Variants in TECRL observed in about 807,000 individuals in gnomAD.
The protein encoded by TECRL is trans-2,3-enoyl-CoA reductase-like.
TECRL carries 63 observed loss-of-function variants against 52.8 expected under a neutral mutation model. The ratio of observed to expected loss-of-function variants is 1.19; its 90% CI spans 0.97 to 1.47. The LOEUF (loss-of-function observed/expected upper bound fraction) is 1.47, where lower values mean the gene tolerates loss of function less well. TECRL is among the 40% of genes most tolerant of loss of function. The pLI, the probability that TECRL is intolerant of heterozygous loss-of-function variation, is 0.00. For synonymous variants in TECRL, 164 were observed against 141.9 expected, an observed-to-expected ratio of 1.16 and a Z score of -1.10; for missense variants, 482 against 429.6, an observed-to-expected ratio of 1.12 and a Z score of -1.08.
At chr4:64,301,161 G>A (rs1723998395) in intron 7 of TECRL, among the ~76,000 whole-genome samples, 1 of 150,758 alleles carries the variant, frequency 6.6e-6, no homozygotes, top group Admixed American at 6.6e-5. Context: ...GAACATTTAG[G>A]AAATAGAGAA....
At chr4:64,364,129 T>C (rs891570954) in intron 2 of TECRL, among the ~76,000 whole-genome samples, 1 of 151,842 alleles carries the variant, frequency 6.6e-6, no homozygotes, top group African/African-American at 2.4e-5. Context: ...TATATCTACG[T>C]AGAAATTAAA....
At chr4:64,299,093 T>C (rs901922641) in intron 8 of TECRL, 3 of 151,168 alleles carry the variant, frequency 2.0e-5, no homozygotes, top group African/African-American at 4.8e-5. Flanking sequence ...GGCCAAACTA[T>C]ATGCTGAAAA....
intron 7 of TECRL, among the ~76,000 whole-genome samples, chr4:64,301,642 G>A (rs1724027184): frequency 6.6e-6 from 1 of 151,164 alleles, no homozygotes; most frequent in Admixed American, 6.6e-5. Context: ...TAAAATAACT[G>A]AAAAGGATAT....
At chr4:64,387,414 T>A (rs1298708577) in intron 1 of TECRL, among the ~76,000 whole-genome samples, 1 of 152,122 alleles carries the variant, frequency 6.6e-6, no homozygotes, top group African/African-American at 2.4e-5. Flanking sequence ...TCAGCTCATT[T>A]GAGTAGATAC....
chr4:64,407,442 A>G (rs1200873477), intron 1 of TECRL, among the ~76,000 whole-genome samples: 1 of 151,956 alleles, frequency 6.6e-6, no homozygotes, highest in African/African-American at 2.4e-5. Flanking sequence ...ATGAATAAGA[A>G]AAAATTTAAA....
intron 2 of TECRL, among the ~76,000 whole-genome samples, chr4:64,344,469 A>G (rs966715210): frequency 2.0e-5 from 3 of 152,160 alleles, no homozygotes; most frequent in Non-Finnish European, 4.4e-5. Context: ...AAATTATGGA[A>G]AAGGTAGCAT....
chr4:64,292,101 G>A (rs1013003497), intron 8 of TECRL, among the ~76,000 whole-genome samples: 1 of 151,956 alleles, frequency 6.6e-6, no homozygotes, highest in Non-Finnish European at 1.5e-5. Context: ...TTTAGGTAAA[G>A]GCTGAGTAAG....
rs537539535 is a variant in TECRL at position 64,322,890 on chromosome 4, A to G, written c.332-98T>C. ...TAAAATCAGTAAAAGCTAAAGATTAATTTAATATGGAAATTACAATGTACA... is the reference window on the plus strand; with the variant it reads ...TAAAATCAGTAAAAGCTAAAGATTAGTTTAATATGGAAATTACAATGTACA... On this transcript the variant is annotated intron_variant, in intron 3 of 11. Transcript: ENST00000381210. The G allele has an allele frequency of 3.9e-5, 33 of 838,266 alleles. 2 individuals carry two copies. In the East Asian group the frequency reaches 9.4e-4, roughly 24 times the overall value. The allele number at this position is 838,266 out of a possible 1,614,324, so 51.9% of individuals were successfully genotyped here.
intron 6 of TECRL, among the ~76,000 whole-genome samples, chr4:64,308,505 T>C (rs907509611): frequency 6.6e-6 from 1 of 152,194 alleles, no homozygotes; most frequent in Non-Finnish European, 1.5e-5. Context: ...CCTTAGGGTG[T>C]AAGCCACAGA....
At chr4:64,356,102 C>T (rs889568599) in intron 2 of TECRL, among the ~76,000 whole-genome samples, 28 of 152,196 alleles carry the variant, frequency 1.8e-4, no homozygotes, top group Admixed American at 1.4e-3. Flanking sequence ...AAAATGTTTA[C>T]AAGCAGTATG....
intron 1 of TECRL, among the ~76,000 whole-genome samples, chr4:64,384,624 C>T (rs565393919): frequency 6.6e-6 from 1 of 152,122 alleles, no homozygotes; most frequent in African/African-American, 2.4e-5. Flanking sequence ...TCAATCCTTA[C>T]ACCCTTAAAT....
chr4:64,303,196 A>G (rs908647705), intron 7 of TECRL, among the ~76,000 whole-genome samples: 13 of 150,906 alleles, frequency 8.6e-5, no homozygotes, highest in African/African-American at 3.1e-4. Context: ...AATGAAAGGG[A>G]AGTTTTTTTG....
chr4:64,395,548 C>G (rs546781939), intron 1 of TECRL, among the ~76,000 whole-genome samples: 1 of 152,254 alleles, frequency 6.6e-6, no homozygotes, highest in South Asian at 2.1e-4. Flanking sequence ...GTATTGATAT[C>G]ATGTAATCTG....
intron 1 of TECRL, among the ~76,000 whole-genome samples, chr4:64,376,584 A>G (rs939816121): frequency 6.6e-6 from 1 of 151,844 alleles, no homozygotes; most frequent in African/African-American, 2.4e-5. Flanking sequence ...AATGTTTCTT[A>G]TTCATTCAGC....
intron 2 of TECRL, among the ~76,000 whole-genome samples, chr4:64,343,930 T>C (rs1042643814): frequency 2.0e-4 from 31 of 152,096 alleles, no homozygotes; most frequent in African/African-American, 7.2e-4. Flanking sequence ...TAGAAAGCTT[T>C]TTAAAAAAAT....
Position 64,409,340 on chromosome 4 carries a change from C to T in TECRL, c.12G>A (p.Arg4=), listed in dbSNP as rs867978042. The change falls in exon 1 of 12, where the codon AGG becomes AGA. Residue 4 remains arginine, a synonymous_variant. Transcript: ENST00000381210. MFK[R]HKSLASERKR... is the part of the protein sequence containing the mutation. ...TGCGTTCCGAAGCGAGGGACTTGTG[C>T]CTTTTGAACATTGTGTGAACTAAGA... The T allele has an allele frequency of 6.2e-7, 1 of 1,612,712 alleles. No individual in the cohort carries two copies. Among genetic ancestry groups the T allele is most frequent in the Non-Finnish European group, 8.5e-7 (1 of 1,179,180 alleles).
chr4:64,360,340 A>G (rs995163732), intron 2 of TECRL, among the ~76,000 whole-genome samples: 1 of 152,174 alleles, frequency 6.6e-6, no homozygotes, highest in Non-Finnish European at 1.5e-5. Context: ...TAATTTCTTC[A>G]GAATTACTTT....
intron 2 of TECRL, among the ~76,000 whole-genome samples, chr4:64,332,628 TATAAAC>T (rs140937642): frequency 0.014 from 2,153 of 152,250 alleles, 22 homozygotes; most frequent in South Asian, 0.03. Flanking sequence ...CTATGATTGA[TATAAAC>T]ATAAAATACA....
rs747589459 is a variant in TECRL, at chr4:64,305,253, A to G, written c.658-15T>C. On this transcript the variant is annotated splice_polypyrimidine_tract_variant and intron_variant, in intron 6 of 11. Transcript: ENST00000381210. ...AAGGCACAACTCTGCAAACAAAACAAAACAAAATAAAAGTTAGGAAAAATA... is the reference window on the plus strand; with the variant it reads ...AAGGCACAACTCTGCAAACAAAACAGAACAAAATAAAAGTTAGGAAAAATA... The G allele has an allele frequency of 6.2e-7, 1 of 1,608,960 alleles. No homozygotes were observed. The highest frequency in any genetic ancestry group is 1.1e-5 in the South Asian group (1 of 90,726).
Sources: gnomAD v4.1 joint callset for allele counts (sites outside exome capture counted in the v4.1 genomes callset) on GRCh38, gnomAD v4.1.1 for gene constraint, MANE v1.5 for transcripts, NCBI Gene and HGNC (gene_info 2026-07-23, HGNC 2026-07-21) for gene names.